The following ARHGAP22 variants were observed in gnomAD, a reference collection of about 807,000 sequenced individuals.
ARHGAP22 encodes the protein Rho GTPase activating protein 22, also known as rho GTPase-activating protein 22.
ARHGAP22 carries 48 observed loss-of-function variants against 59.1 expected under a neutral mutation model. That is an observed-to-expected ratio of 0.81 (90% confidence interval 0.64 to 1.03). The LOEUF (loss-of-function observed/expected upper bound fraction) is 1.03. Among genes scored for constraint, ARHGAP22 ranks in the 50% least tolerant of loss-of-function variants. The probability of loss-of-function intolerance (pLI) is 0.00; values close to 1 mark genes in which losing one functional copy is unlikely to be tolerated. For synonymous variants in ARHGAP22, 445 were observed against 416.4 expected (o/e 1.07, Z -0.84); for missense variants, 1,015 against 958.7 (o/e 1.06, Z -0.78).
chr10:48,637,805 C>T (rs1048582458), intron 1 of ARHGAP22, among the ~76,000 whole-genome samples: 2 of 152,148 alleles, frequency 1.3e-5, no homozygotes, highest in African/African-American at 4.8e-5. Context: ...CCTCACTTCA[C>T]CTACCCCTTC....
intron 8 of ARHGAP22, chr10:48,451,511 C>A (rs1471437119): frequency 1.4e-6 from 1 of 702,352 alleles, no homozygotes; most frequent in African/African-American, 1.7e-5. Flanking sequence ...CTCTCGGCTG[C>A]CCCACGTCAC....
Position 48,533,120 on chromosome 10 carries a change from G to A in ARHGAP22, c.322+22343C>T, listed in dbSNP as rs541806411. ...CATATTAACAAGAACCCCTGTCCCC[G>A]TACTGACCCTCATCAACAGCATTGC... On this transcript the variant is annotated intron_variant, in intron 3 of 9. Coordinates refer to ENST00000249601, the MANE Select transcript of ARHGAP22 (RefSeq NM_021226.4). Among the ~76,000 whole-genome samples, 7 of 150,862 alleles carry A rather than the reference G, an allele frequency of 4.6e-5. No homozygotes were observed. The South Asian group carries it at 6.4e-4, about 14-fold the overall frequency.
At chr10:48,583,293 C>T (rs999590880) in intron 1 of ARHGAP22, 141 bp from the exon 2 acceptor site, 7 of 969,580 alleles carry the variant, frequency 7.2e-6, no homozygotes, top group Non-Finnish European at 1.1e-5. Context: ...GGCCTACTTC[C>T]CCTTGGCATT....
intron 4 of ARHGAP22, among the ~76,000 whole-genome samples, chr10:48,462,509 C>T (rs1271711949): frequency 6.6e-6 from 1 of 152,182 alleles, no homozygotes; most frequent in African/African-American, 2.4e-5. Flanking sequence ...ACAGGGACAA[C>T]GGTCCAACCC....
intron 2 of ARHGAP22, among the ~76,000 whole-genome samples, chr10:48,573,786 A>C (rs993731971): frequency 1.3e-5 from 2 of 152,238 alleles, no homozygotes; most frequent in African/African-American, 4.8e-5. Flanking sequence ...AAGTAGGAAC[A>C]AGAGGGCTTC....
At chr10:48,435,239 A>T in the ARHGAP22 span, 52 of 439,584 alleles carry the variant, frequency 1.2e-4, no homozygotes, top group Non-Finnish European at 1.8e-4. Flanking sequence ...ACTGTATTGT[A>T]TTTTTTTTGC....
chr10:48,496,717 G>A (rs2050972061), intron 3 of ARHGAP22, among the ~76,000 whole-genome samples: 2 of 152,178 alleles, frequency 1.3e-5, no homozygotes, highest in South Asian at 4.1e-4. Flanking sequence ...CACTAGGTAA[G>A]GAAGTCTGTA....
At chr10:48,645,166 GCACGTGCCCC>G (rs1018924372) in intron 1 of ARHGAP22, among the ~76,000 whole-genome samples, 1 of 152,058 alleles carries the variant, frequency 6.6e-6, no homozygotes, top group Admixed American at 6.6e-5. Flanking sequence ...ACATATACAT[GCACGTGCCCC>G]CACCTCCCGC....
At chr10:48,453,508 AC>A in intron 7 of ARHGAP22, 83 bp from the exon 8 acceptor site, 2 of 1,583,422 alleles carry the variant, frequency 1.3e-6, no homozygotes, top group South Asian at 2.2e-5. Flanking sequence ...GCACCGCCAC[AC>A]CCCTGCTGAG....
chr10:48,603,602 T>A (rs963790332), intron 1 of ARHGAP22, among the ~76,000 whole-genome samples: 5 of 152,248 alleles, frequency 3.3e-5, no homozygotes, highest in Non-Finnish European at 7.3e-5. Context: ...AGGGTGGAAC[T>A]AAGCTCTCGC....
At chr10:48,492,697 G>A (rs560702932) in intron 3 of ARHGAP22, among the ~76,000 whole-genome samples, 74 of 151,984 alleles carry the variant, frequency 4.9e-4, no homozygotes, top group Non-Finnish European at 9.9e-4. Context: ...GGGATTATGG[G>A]TACCTACCAC....
In ARHGAP22 at chr10:48,450,622, C is replaced by T. The variant is rs1649842549; in HGVS notation, c.1507G>A (p.Gly503Ser). ...GCCATACTGGCCACGCTGGGTATGC[C>T]GGGGACCAGGCCCGGCGCGGGCACA... ...DNVPAPGLVP[G>S]IPSVASMAWS... The change falls in exon 9 of 10, where the codon GGC becomes AGC. Residue 503 changes from glycine (G) to serine (S), a missense_variant. Gly to Ser is a moderately conservative substitution (Grantham distance 56). Coordinates refer to ENST00000249601, the MANE Select transcript of ARHGAP22 (RefSeq NM_021226.4). 3.9e-6 allele frequency: 6 copies of T among 1,548,890 alleles called. No individual in the cohort carries two copies. The highest frequency in any genetic ancestry group is 4.9e-5 in the East Asian group (2 of 40,940).
intron 3 of ARHGAP22, among the ~76,000 whole-genome samples, chr10:48,500,028 C>G (rs2051341625): frequency 6.9e-6 from 1 of 143,946 alleles, no homozygotes. Flanking sequence ...TCCGACCAGC[C>G]CAACCAATTA....
chr10:48,506,273 T>A (rs2052127044), intron 3 of ARHGAP22, among the ~76,000 whole-genome samples: 2 of 138,184 alleles, frequency 1.4e-5, no homozygotes, highest in South Asian at 4.3e-4. Flanking sequence ...CAGAGTGTGC[T>A]CACACAAACC....
At chr10:48,621,093 C>T (rs984714653) in intron 1 of ARHGAP22, among the ~76,000 whole-genome samples, 3 of 152,252 alleles carry the variant, frequency 2.0e-5, no homozygotes, top group Non-Finnish European at 4.4e-5. Flanking sequence ...TACATGATTG[C>T]CTTTGCATGG....
intron 2 of ARHGAP22, among the ~76,000 whole-genome samples, chr10:48,571,484 G>A (rs534369413): frequency 6.6e-6 from 1 of 152,276 alleles, no homozygotes; most frequent in South Asian, 2.1e-4. Context: ...AAGTGACCTG[G>A]TCTGACCATG....
downstream of ARHGAP22, chr10:48,444,195 ATTCAT>A (rs1304397441): frequency 3.3e-5 from 5 of 152,210 alleles, no homozygotes; most frequent in African/African-American, 1.2e-4. Flanking sequence ...AATTCATGTA[ATTCAT>A]GAGTCTACTT....
At chr10:48,513,044 C>T (rs1201923223) in intron 3 of ARHGAP22, among the ~76,000 whole-genome samples, 1 of 152,112 alleles carries the variant, frequency 6.6e-6, no homozygotes, top group Non-Finnish European at 1.5e-5. Context: ...TCTTTCTCCC[C>T]CACCCACTCT....
At chr10:48,643,899 G>C (rs2136175797) in intron 1 of ARHGAP22, among the ~76,000 whole-genome samples, 1 of 152,248 alleles carries the variant, frequency 6.6e-6, no homozygotes, top group South Asian at 2.1e-4. Flanking sequence ...TGTAATCCCA[G>C]CACTTGGGGA....
Sources: gnomAD v4.1 joint callset for allele counts (sites outside exome capture counted in the v4.1 genomes callset) on GRCh38, gnomAD v4.1.1 for gene constraint, MANE v1.5 for transcripts, NCBI Gene and HGNC (gene_info 2026-07-23, HGNC 2026-07-21) for gene names.